The following CIDEC variants were observed in gnomAD, a reference collection of about 807,000 sequenced individuals.
CIDEC encodes cell death inducing DFFA like effector c, also known as lipid transferase CIDEC.
CIDEC carries 11 observed loss-of-function variants against 21.9 expected under a neutral mutation model. The ratio of observed to expected loss-of-function variants is 0.50; its 90% CI spans 0.32 to 0.83. CIDEC has a LOEUF of 0.83. CIDEC is among the 40% of genes least tolerant of loss of function. CIDEC has a pLI of 0.04. For missense variants in CIDEC, 302 were observed against 302.3 expected, an observed-to-expected ratio of 1.00 and a Z score of 0.01; for synonymous variants, 127 against 124.9, an observed-to-expected ratio of 1.02 and a Z score of -0.11.
Position 9,866,788 on chromosome 3 carries a change from C to T in CIDEC, c.*346G>A, listed in dbSNP as rs573220179. On this transcript the variant is annotated 3_prime_UTR_variant, in exon 7 of 7. Transcript: ENST00000336832. The stretch of plus-strand genomic sequence containing the variant: ...CTTGCGAATTCACTCAGGAATGTTC[C>T]GGGATGGGGGCCAGAAGGTAGAGAG... The T allele has an allele frequency of 9.5e-5, 53 of 559,646 alleles. No individual in the cohort carries two copies. The highest frequency in any genetic ancestry group is 3.4e-4 in the African/African-American group (18 of 53,456). The allele number at this position is 559,646 out of a possible 1,614,324, so 34.7% of individuals were successfully genotyped here.
At chr3:9,867,376 T>G (rs909809433) in intron 6 of CIDEC, 80 bp from the exon 7 acceptor site, 2 of 1,506,232 alleles carry the variant, frequency 1.3e-6, no homozygotes, top group African/African-American at 2.8e-5. Flanking sequence ...TCCTAGCACT[T>G]TGGGAGGCCA....
rs540126224 is a variant in CIDEC, at chr3:9,870,060, G to A, written c.376C>T (p.His126Tyr). 1.9e-6 allele frequency: 3 copies of A among 1,614,138 alleles called. No homozygotes were observed. Among genetic ancestry groups the A allele is most frequent in the South Asian group, 2.2e-5 (2 of 91,088 alleles). ...WQPPSEQGTR[H>Y]PLSLSHKPAK... ...GGCTTATGGGAGAGGGACAGTGGGTGCCTTGTCCCCTGCATTGAGACAAGC... is the reference window on the plus strand; with the variant it reads ...GGCTTATGGGAGAGGGACAGTGGGTACCTTGTCCCCTGCATTGAGACAAGC... The change falls in exon 6 of 7, where the codon CAC becomes TAC. Residue 126 changes from histidine to tyrosine, a missense_variant. Coordinates refer to ENST00000336832, the MANE Select transcript of CIDEC (RefSeq NM_001321142.2).
chr3:9,877,632 C>T lies in CIDEC; in HGVS notation c.54-413G>A, dbSNP rs771276755. ...CTGTGATGGTGCCACTGCACTCCAGCCTGGGCAACAGAGGGAGACCTCGAC... is the reference window on the plus strand; with the variant it reads ...CTGTGATGGTGCCACTGCACTCCAGTCTGGGCAACAGAGGGAGACCTCGAC... On this transcript the variant is annotated intron_variant, in intron 3 of 6. Transcript: ENST00000336832. 3.9e-5 allele frequency among the ~76,000 whole-genome samples: 6 copies of T among 151,962 alleles called. No individual in the cohort carries two copies. The South Asian group carries it at 6.2e-4, about 16-fold the overall frequency.
At chr3:9,867,568 C>T (rs1365513073) in intron 6 of CIDEC, among the ~76,000 whole-genome samples, 1 of 152,120 alleles carries the variant, frequency 6.6e-6, no homozygotes, top group Non-Finnish European at 1.5e-5. Flanking sequence ...CACAGTGAGC[C>T]GAGGTGGCAC....
In CIDEC at chr3:9,866,874, G is replaced by A. The variant is rs563755023; in HGVS notation, c.*260C>T. ...AAGGGGCAGACTTCATGCCAATGGA[G>A]GGACAGACTTCAGGACCAGTCTGGA... is the stretch of plus-strand genomic sequence containing the variant. On this transcript the variant is annotated 3_prime_UTR_variant, in exon 7 of 7. Coordinates refer to ENST00000336832, the MANE Select transcript of CIDEC (RefSeq NM_001321142.2). 2 of 607,750 alleles carry A rather than the reference G, an allele frequency of 3.3e-6. No individual in the cohort carries two copies. The highest frequency in any genetic ancestry group is 3.7e-5 in the African/African-American group (2 of 54,222). The allele number at this position is 607,750 out of a possible 1,614,324, so 37.6% of individuals were successfully genotyped here. A position where few individuals can be genotyped will look rare whatever the true frequency, so the allele number is the denominator to read the frequency against.
chr3:9,869,841 C>G lies in CIDEC; in HGVS notation c.554+41G>C, dbSNP rs755502951. 24 of 1,591,530 alleles carry G rather than the reference C, an allele frequency of 1.5e-5. No homozygotes were observed. The South Asian group carries it at 2.7e-4, about 18-fold the overall frequency. ...TGGACAGATAGGGGCTCTCCCATTG[C>G]CTGTACCCACCCTGTCCCCAGGAAA... On this transcript the variant is annotated intron_variant, in intron 6 of 6. Transcript: ENST00000336832.
chr3:9,871,557 A>ACGTATGAGAACTCCAGTCT (rs1202827665), intron 4 of CIDEC, among the ~76,000 whole-genome samples: 1 of 151,936 alleles, frequency 6.6e-6, no homozygotes, highest in Non-Finnish European at 1.5e-5. Context: ...CCCACTAGCA[A>ACGTATGAGAACTCCAGTCT]CGTATGAGAA....
Position 9,878,466 on chromosome 3 carries a change from G to C in CIDEC, c.21C>G (p.Ser7=). Residue 7 remains serine (S), a synonymous_variant, in exon 3 of 7, where the codon TCC becomes TCG. Transcript: ENST00000336832. MEYAMK[S]LSLLYPKSLS... is the part of the protein sequence containing the mutation. Reference sequence around the variant, plus strand: ...GGGACTTGGGGTAGAGAAGGCTAAGGGACTTCATGGCGTATTCCATCCTTG... The same window carrying C: ...GGGACTTGGGGTAGAGAAGGCTAAGCGACTTCATGGCGTATTCCATCCTTG... 6.2e-7 allele frequency: 1 copy of C among 1,613,972 alleles called. No homozygotes were observed. Among genetic ancestry groups the C allele is most frequent in the Non-Finnish European group, 8.5e-7 (1 of 1,179,914 alleles).
chr3:9,878,226 T>C (rs988484288), intron 3 of CIDEC: 17 of 600,242 alleles, frequency 2.8e-5, no homozygotes, highest in Non-Finnish European at 4.8e-5. Context: ...TTTTTATGCA[T>C]GGTGTGGTGG....
intron 6 of CIDEC, 143 bp downstream of exon 6, chr3:9,869,739 G>T: frequency 2.6e-6 from 2 of 769,534 alleles, no homozygotes; most frequent in South Asian, 3.0e-5. Context: ...AGCCCATCAG[G>T]CTCCGTGTTG....
chr3:9,869,623 G>T (rs1220573609), intron 6 of CIDEC, among the ~76,000 whole-genome samples: 4 of 152,200 alleles, frequency 2.6e-5, no homozygotes, highest in Admixed American at 6.5e-5. Flanking sequence ...AAAAAATGTA[G>T]TTACTAGAGT....
chr3:9,867,118 CCAAGG>C lies in CIDEC; in HGVS notation c.*11_*15del. 1 of 1,612,532 alleles carries C rather than the reference CCAAGG, an allele frequency of 6.2e-7. No homozygotes were observed. Among genetic ancestry groups the C allele is most frequent in the Non-Finnish European group, 8.5e-7 (1 of 1,179,878 alleles). ...GTCAGTCCTTCACTGGGGAAAGCTT[CCAAGG>C]ACTTGGGCTTTCACTGCAGTATCTT... On this transcript the variant is annotated 3_prime_UTR_variant, in exon 7 of 7. Coordinates refer to ENST00000336832, the MANE Select transcript of CIDEC (RefSeq NM_001321142.2).
chr3:9,873,351 C>G (rs1379612825), intron 4 of CIDEC, among the ~76,000 whole-genome samples: 1 of 152,222 alleles, frequency 6.6e-6, no homozygotes, highest in Non-Finnish European at 1.5e-5. Flanking sequence ...GTGGCTCACG[C>G]CTGTAATCCC....
At position 9,867,282 on chromosome 3, in the gene CIDEC, C is replaced by G. The variant is rs1414524861; in HGVS notation, c.569G>C (p.Trp190Ser). ...TGTGGCCTGCATGCTGAAGAGGGCC[C>G]AGCGGAAAGCTTCCCTGGGTGGAAT... ...AKRIMKEAFRWALFSMQATGH... is the reference protein window; with the variant it reads ...AKRIMKEAFRSALFSMQATGH... Residue 190 changes from tryptophan to serine, a missense_variant, in exon 7 of 7, where the codon TGG (tryptophan) becomes TCG (serine). By Grantham distance (177) the Trp-to-Ser change is radical. Coordinates refer to ENST00000336832, the MANE Select transcript of CIDEC (RefSeq NM_001321142.2). The G allele has an allele frequency of 1.2e-6, 2 of 1,614,034 alleles. No homozygotes were observed. Among genetic ancestry groups the G allele is most frequent in the Non-Finnish European group, 1.7e-6 (2 of 1,180,048 alleles).
intron 2 of CIDEC, 51 bp from the exon 3 acceptor site, chr3:9,878,562 T>G: frequency 6.6e-7 from 1 of 1,509,438 alleles, no homozygotes; most frequent in East Asian, 2.3e-5. Context: ...AGGGTTCCCA[T>G]CTCTCTCATT....
chr3:9,875,333 C>T (rs1374622565), intron 4 of CIDEC, among the ~76,000 whole-genome samples: 2 of 146,028 alleles, frequency 1.4e-5, no homozygotes, highest in South Asian at 2.1e-4. Flanking sequence ...GCCGAGATAG[C>T]ACCACTGCAC....
chr3:9,867,286 G>A lies in CIDEC; in HGVS notation c.565C>T (p.Arg189Cys), dbSNP rs141554116. The A allele has an allele frequency of 1.6e-4, 255 of 1,614,162 alleles. No homozygotes were observed. The highest frequency in any genetic ancestry group is 2.0e-4 in the Non-Finnish European group (240 of 1,180,048). ...GCCTGCATGCTGAAGAGGGCCCAGC[G>A]GAAAGCTTCCCTGGGTGGAATGAGA... Reference protein sequence around the residue: ...GAKRIMKEAFRWALFSMQATG... With the variant: ...GAKRIMKEAFCWALFSMQATG... The change falls in exon 7 of 7, where the codon CGC (arginine) becomes TGC (cysteine). Residue 189 changes from arginine to cysteine, a missense_variant. Coordinates refer to ENST00000336832, the MANE Select transcript of CIDEC (RefSeq NM_001321142.2).
chr3:9,874,404 G>A (rs919500261), intron 4 of CIDEC, among the ~76,000 whole-genome samples: 9 of 151,786 alleles, frequency 5.9e-5, no homozygotes, highest in East Asian at 1.9e-4. Flanking sequence ...TAGTCCTAGC[G>A]AGTCGGGAGG....
chr3:9,870,110 A>G (rs370288645), intron 5 of CIDEC, 41 bp from the exon 6 acceptor site: 16 of 1,613,888 alleles, frequency 9.9e-6, no homozygotes, highest in African/African-American at 1.3e-5. Context: ...CCTTGAAGAC[A>G]TCTCCCAGAG....
Sources: gnomAD v4.1 joint callset for allele counts (sites outside exome capture counted in the v4.1 genomes callset) on GRCh38, gnomAD v4.1.1 for gene constraint, MANE v1.5 for transcripts, NCBI Gene and HGNC (gene_info 2026-07-23, HGNC 2026-07-21) for gene names.